ANKRD28: variants seen among roughly 807,000 people sequenced by gnomAD.
ANKRD28 encodes serine/threonine-protein phosphatase 6 regulatory ankyrin repeat subunit A.
Under a neutral mutation model 126.5 loss-of-function variants are expected in ANKRD28, and 44 were observed. The ratio of observed to expected loss-of-function variants is 0.35; its 90% CI spans 0.27 to 0.45. The LOEUF (loss-of-function observed/expected upper bound fraction) is 0.45, where lower values mean the gene tolerates loss of function less well. ANKRD28 is among the 20% of genes least tolerant of loss of function. The probability of loss-of-function intolerance (pLI) is 1.00; values close to 1 mark genes in which losing one functional copy is unlikely to be tolerated. For synonymous variants in ANKRD28, 442 were observed against 468.5 expected (o/e 0.94, Z 0.73); for missense variants, 1,110 against 1,316.6 (o/e 0.84, Z 2.43).
At chr3:15,809,488 G>A (rs2060662215) in intron 1 of ANKRD28, among the ~76,000 whole-genome samples, 1 of 152,134 alleles carries the variant, frequency 6.6e-6, no homozygotes, top group Non-Finnish European at 1.5e-5. Context: ...ACTGAAACTA[G>A]ACAATGTCTT....
chr3:15,751,692 G>A, intron 4 of ANKRD28, 58 bp downstream of exon 4: 1 of 1,094,870 alleles, frequency 9.1e-7, no homozygotes, highest in Non-Finnish European at 1.4e-6. Flanking sequence ...TATGGATTCA[G>A]GGGTACGCCT....
chr3:15,679,849 A>G (rs756502851), intron 21 of ANKRD28, among the ~76,000 whole-genome samples: 14 of 148,250 alleles, frequency 9.4e-5, no homozygotes, highest in South Asian at 2.2e-4. Flanking sequence ...TATTTGGGGG[A>G]AAAAAAAAAC....
Position 15,814,622 on chromosome 3 carries a change from AACACAAACACAC to A in ANKRD28, c.28-19328_28-19317del, listed in dbSNP as rs1346595685. Among the ~76,000 whole-genome samples, 1 of 151,924 alleles carries A rather than the reference AACACAAACACAC, an allele frequency of 6.6e-6. No individual in the cohort carries two copies. The highest frequency in any genetic ancestry group is 6.6e-5 in the Admixed American group (1 of 15,250). ...CAACAAGTCATTCTCATAAATCTTA[AACACAAACACAC>A]ACACACACATATACACACACAAACT... On this transcript the variant is annotated intron_variant, in intron 1 of 27. Transcript: ENST00000399451. The surrounding 1 kb of genome is among the most constrained non-coding windows in gnomAD (Gnocchi z 4.7).
chr3:15,713,466 T>C, intron 10 of ANKRD28, 61 bp downstream of exon 10: 1 of 1,264,748 alleles, frequency 7.9e-7, no homozygotes, highest in Non-Finnish European at 1.1e-6. Context: ...TCTAGAAAAC[T>C]GCAGTTCACT....
chr3:15,769,229 G>A (rs1041674496), intron 2 of ANKRD28, among the ~76,000 whole-genome samples: 3 of 152,090 alleles, frequency 2.0e-5, no homozygotes, highest in African/African-American at 7.2e-5. Context: ...TGTGTTTTAT[G>A]ATTCATATGA....
chr3:15,778,059 A>G (rs1362696427), intron 2 of ANKRD28, among the ~76,000 whole-genome samples: 6 of 152,324 alleles, frequency 3.9e-5, no homozygotes, highest in South Asian at 2.1e-4. Flanking sequence ...CGTATCATAC[A>G]TAAGTATCTT....
At chr3:15,762,275 T>C (rs1240578343) in intron 3 of ANKRD28, among the ~76,000 whole-genome samples, 1 of 150,744 alleles carries the variant, frequency 6.6e-6, no homozygotes, top group African/African-American at 2.5e-5. Flanking sequence ...GATATTTTTA[T>C]AAAAGGCTAT....
intron 1 of ANKRD28, among the ~76,000 whole-genome samples, chr3:15,858,471 GT>G: frequency 6.6e-6 from 1 of 152,188 alleles, no homozygotes; most frequent in Non-Finnish European, 1.5e-5. Flanking sequence ...CTTCCCCATT[GT>G]TTTCGCAAAC....
chr3:15,677,376 T>A (rs549598148), intron 25 of ANKRD28, 104 bp downstream of exon 25: 4 of 782,848 alleles, frequency 5.1e-6, no homozygotes, highest in Non-Finnish European at 8.4e-6. Context: ...CAGTGATCAT[T>A]AGAGAGGTTT....
chr3:15,730,994 T>C (rs1411648666), intron 6 of ANKRD28, among the ~76,000 whole-genome samples: 1 of 152,158 alleles, frequency 6.6e-6, no homozygotes, highest in Non-Finnish European at 1.5e-5. Flanking sequence ...AAGAGGGCCC[T>C]CACTAGATGC....
intron 1 of ANKRD28, among the ~76,000 whole-genome samples, chr3:15,806,824 T>C (rs143777063): frequency 2.3e-3 from 346 of 152,248 alleles, no homozygotes; most frequent in African/African-American, 7.9e-3. Flanking sequence ...GTCCGGCCCA[T>C]CATGACATCT....
chr3:15,690,386 A>T (rs1286607228), intron 17 of ANKRD28, among the ~76,000 whole-genome samples, 166 bp from the exon 18 acceptor site: 1 of 152,230 alleles, frequency 6.6e-6, no homozygotes, highest in East Asian at 1.9e-4. Flanking sequence ...GATCTTTCTA[A>T]TAATCAACAT....
intron 3 of ANKRD28, among the ~76,000 whole-genome samples, chr3:15,756,749 G>A (rs770969521): frequency 1.3e-5 from 2 of 152,144 alleles, no homozygotes; most frequent in Non-Finnish European, 2.9e-5. Flanking sequence ...AGGATTGGGT[G>A]AGGATGGGCC....
intron 4 of ANKRD28, among the ~76,000 whole-genome samples, chr3:15,739,378 T>C (rs181661664): frequency 9.8e-5 from 15 of 152,346 alleles, no homozygotes; most frequent in Admixed American, 4.6e-4. Context: ...ACAGTTTATG[T>C]TCTTCTGCCA....
At chr3:15,805,602 A>G (rs2060560310) in intron 1 of ANKRD28, among the ~76,000 whole-genome samples, 1 of 152,172 alleles carries the variant, frequency 6.6e-6, no homozygotes, top group African/African-American at 2.4e-5. Context: ...CCTCATATTA[A>G]AATCAGTTGA....
chr3:15,777,225 G>T (rs2059316538), intron 2 of ANKRD28, among the ~76,000 whole-genome samples: 1 of 148,082 alleles, frequency 6.8e-6, no homozygotes, highest in Non-Finnish European at 1.5e-5. Flanking sequence ...AGTGAGCTGA[G>T]ATTGCGCCAC....
chr3:15,772,085 A>G (rs2059041314), intron 2 of ANKRD28, among the ~76,000 whole-genome samples: 1 of 152,208 alleles, frequency 6.6e-6, no homozygotes, highest in African/African-American at 2.4e-5. Flanking sequence ...TTAAAGCAAT[A>G]GAGAGCAATT....
intron 1 of ANKRD28, among the ~76,000 whole-genome samples, chr3:15,847,163 A>C (rs1297732312): frequency 6.6e-6 from 1 of 152,220 alleles, no homozygotes. Flanking sequence ...CAAAGTTAGG[A>C]AACAGTGGCT....
Position 15,751,344 on chromosome 3 carries a change from T to C in ANKRD28, c.351+406A>G, listed in dbSNP as rs572266451. The stretch of plus-strand genomic sequence containing the variant: ...TAAAATGTGCAATCAAGTAATGGTT[T>C]TGAAGCTAATTTCAGTATTTAGCTA... On this transcript the variant is annotated intron_variant, in intron 4 of 27. Transcript: ENST00000683139. Among the ~76,000 whole-genome samples the C allele has an allele frequency of 6.6e-5, 10 of 152,318 alleles. No individual in the cohort carries two copies. The South Asian group carries it at 2.1e-3, about 32-fold the overall frequency.
Sources: allele counts gnomAD v4.1 joint callset (sites outside exome capture counted in the v4.1 genomes callset), GRCh38; gene constraint gnomAD v4.1.1; non-coding constraint Gnocchi (gnomAD v3.1); transcripts MANE v1.5; gene names NCBI Gene and HGNC (gene_info 2026-07-23, HGNC 2026-07-21).